Variants in RXRG observed in about 807,000 individuals in gnomAD.
RXRG encodes retinoic acid receptor RXR-gamma.
In RXRG, 19 loss-of-function variants were observed where a neutral mutation model predicts 49.2. The observed-to-expected ratio is 0.39, with a 90% confidence interval of 0.27 to 0.57. The LOEUF (loss-of-function observed/expected upper bound fraction) is 0.57, where lower values mean the gene tolerates loss of function less well. RXRG is among the 20% of genes least tolerant of loss of function. RXRG has a pLI of 0.64. For missense variants in RXRG, 452 were observed against 592.5 expected (o/e 0.76, Z 2.46); for synonymous variants, 224 against 216.6 (o/e 1.03, Z -0.30).
intron 8 of RXRG, 78 bp downstream of exon 8, chr1:165,408,149 C>G: frequency 9.1e-7 from 1 of 1,095,328 alleles, no homozygotes; most frequent in Non-Finnish European, 1.4e-6. Context: ...GATGGAGGAC[C>G]AATAACATGG....
At chr1:165,406,941 C>T (rs753564192) in intron 8 of RXRG, 24 bp from the exon 9 acceptor site, 1 of 1,540,036 alleles carries the variant, frequency 6.5e-7, no homozygotes, top group South Asian at 1.1e-5. Flanking sequence ...CTGAGTTAGC[C>T]TTTGATTACA....
Position 165,406,867 on chromosome 1 carries a change from C to G in RXRG, c.1189G>C (p.Val397Leu). The change falls in exon 9 of 10, where the codon GTT (valine) becomes CTT (leucine). Residue 397 changes from valine (V) to leucine (L), a missense_variant. Coordinates refer to ENST00000359842, the MANE Select transcript of RXRG (RefSeq NM_006917.5). Reference protein sequence around the residue: ...PSEVETLREKVYATLEAYTKQ... With the variant: ...PSEVETLREKLYATLEAYTKQ... ...GTGTAGGCCTCAAGGGTGGCATAAA[C>G]CTTCTCTCGCAGAGTCTCCACCTCA... The G allele has an allele frequency of 1.2e-6, 2 of 1,614,014 alleles. No homozygotes were observed. Among genetic ancestry groups the G allele is most frequent in the Non-Finnish European group, 1.7e-6 (2 of 1,180,000 alleles).
chr1:165,427,003 G>C (rs1658507110), intron 2 of RXRG, among the ~76,000 whole-genome samples: 1 of 152,118 alleles, frequency 6.6e-6, no homozygotes, highest in East Asian at 1.9e-4. Flanking sequence ...GAGCTTTTTT[G>C]TTCTATTCAG....
At chr1:165,442,881 T>C (rs879727358) in intron 1 of RXRG, among the ~76,000 whole-genome samples, 3 of 152,202 alleles carry the variant, frequency 2.0e-5, no homozygotes, top group Non-Finnish European at 4.4e-5. Flanking sequence ...AGGTGAAAAA[T>C]TGGGAACCAA....
At chr1:165,417,513 T>G (rs1378900313) in intron 3 of RXRG, among the ~76,000 whole-genome samples, 1 of 152,178 alleles carries the variant, frequency 6.6e-6, no homozygotes, top group Non-Finnish European at 1.5e-5. Flanking sequence ...AGGCAACTCT[T>G]GGGTTTAGTT....
At position 165,444,868 on chromosome 1, in the gene RXRG, A is replaced by T; in HGVS notation, c.26T>A (p.Met9Lys). MYGNYSHF[M>K]KFPAGYGGSP... ...ACCTCCATAGCCTGCGGGAAACTTC[A>T]TGAAGTGAGAATAATTTCCATACAT... is the stretch of plus-strand genomic sequence containing the variant. The change falls in exon 1 of 10, where the codon ATG (methionine) becomes AAG (lysine). Residue 9 changes from methionine to lysine, a missense_variant. Physicochemically the swap from Met to Lys is moderately conservative, Grantham distance 95. This residue lies in a region of RXRG where 166 missense variants were observed against 151.7 expected (regional missense o/e 1.09). Transcript: ENST00000359842. 6.2e-7 allele frequency: 1 copy of T among 1,614,204 alleles called. No individual in the cohort carries two copies. The highest frequency in any genetic ancestry group is 8.5e-7 in the Non-Finnish European group (1 of 1,180,026).
At chr1:165,418,103 C>T (rs1233569605) in intron 3 of RXRG, among the ~76,000 whole-genome samples, 1 of 99,714 alleles carries the variant, frequency 1.0e-5, no homozygotes, top group African/African-American at 4.2e-5. Context: ...AGAGCGAGAT[C>T]CCGTCTCAAA....
intron 1 of RXRG, among the ~76,000 whole-genome samples, chr1:165,439,658 G>A (rs1443770941): frequency 6.6e-6 from 1 of 152,216 alleles, no homozygotes; most frequent in Non-Finnish European, 1.5e-5. Flanking sequence ...CACTGAGGAA[G>A]CCAGAAAGGG....
At position 165,437,804 on chromosome 1, in the gene RXRG, T is replaced by C. The variant is rs140137344; in HGVS notation, c.49+7041A>G. 1.4e-3 allele frequency among the ~76,000 whole-genome samples: 207 copies of C among 152,332 alleles called. 1 individual carries two copies. The highest frequency in any genetic ancestry group is 4.8e-3 in the African/African-American group (200 of 41,578). On this transcript the variant is annotated intron_variant, in intron 1 of 9. Coordinates refer to ENST00000359842, the MANE Select transcript of RXRG (RefSeq NM_006917.5). The stretch of plus-strand genomic sequence containing the variant: ...AGCCAGCCGGTCCTCGTTAGCAGGA[T>C]CCCCTGGAGCCTCTCATTTGTTAGA...
At chr1:165,426,872 G>A (rs1437145014) in intron 2 of RXRG, among the ~76,000 whole-genome samples, 2 of 152,166 alleles carry the variant, frequency 1.3e-5, no homozygotes, top group Non-Finnish European at 2.9e-5. Context: ...TACTCCAAAG[G>A]CCAGCAGGCT....
At chr1:165,423,577 T>G (rs157874) in intron 2 of RXRG, among the ~76,000 whole-genome samples, 71,571 of 152,002 alleles carry the variant, frequency 0.47, 18,112 homozygotes, top group African/African-American at 0.65. Flanking sequence ...GCTAAGGCCT[T>G]CATCATGAGG....
rs768092969 is a variant in RXRG, at chr1:165,401,424, A to G, written c.1245-14T>C. ...AGCTTGGCAAACCTGCAGGGAAGCC[A>G]AGAGGCATCAGGGACAGGGACGGGC... On this transcript the variant is annotated splice_polypyrimidine_tract_variant and intron_variant, in intron 9 of 9. Transcript: ENST00000359842. The G allele has an allele frequency of 1.2e-6, 2 of 1,613,462 alleles. No homozygotes were observed. Among genetic ancestry groups the G allele is most frequent in the Non-Finnish European group, 1.7e-6 (2 of 1,179,996 alleles).
intron 9 of RXRG, among the ~76,000 whole-genome samples, chr1:165,403,503 C>A (rs1328510084): frequency 6.6e-6 from 1 of 152,134 alleles, no homozygotes; most frequent in African/African-American, 2.4e-5. Flanking sequence ...TAAAGCGGCA[C>A]CATCTAAAAA....
intron 8 of RXRG, 38 bp from the exon 9 acceptor site, chr1:165,406,955 C>T (rs1412007719): frequency 1.4e-6 from 2 of 1,436,740 alleles, no homozygotes; most frequent in Non-Finnish European, 9.8e-7. Context: ...GATTACACAC[C>T]CTCCAGCAGA....
chr1:165,426,282 C>G (rs951921704), intron 2 of RXRG, among the ~76,000 whole-genome samples: 7 of 152,088 alleles, frequency 4.6e-5, no homozygotes, highest in Non-Finnish European at 7.3e-5. Context: ...CAAATTATAC[C>G]CAGTAAAGTA....
intron 3 of RXRG, among the ~76,000 whole-genome samples, chr1:165,417,563 T>G (rs1033628784): frequency 3.3e-5 from 5 of 152,190 alleles, no homozygotes; most frequent in Admixed American, 1.3e-4. Flanking sequence ...TTAGTGTAAA[T>G]AATAAATAAA....
At chr1:165,428,055 T>A (rs1658547363) in intron 2 of RXRG, among the ~76,000 whole-genome samples, 1 of 152,328 alleles carries the variant, frequency 6.6e-6, no homozygotes, top group Admixed American at 6.5e-5. Context: ...ATGGGAAGGA[T>A]GATGAACTTA....
chr1:165,409,435 C>T, intron 7 of RXRG, 123 bp downstream of exon 7: 1 of 1,198,024 alleles, frequency 8.3e-7, no homozygotes, highest in Non-Finnish European at 1.1e-6. Context: ...ATCCTCCATC[C>T]CAGCACTACC....
intron 2 of RXRG, among the ~76,000 whole-genome samples, chr1:165,422,714 G>T (rs3767344): frequency 6.6e-6 from 1 of 152,060 alleles, no homozygotes; most frequent in Non-Finnish European, 1.5e-5. Flanking sequence ...AGCCACTAGA[G>T]GCTTGGAGCA....
Sources: gnomAD v4.1 joint callset for allele counts (sites outside exome capture counted in the v4.1 genomes callset) on GRCh38, gnomAD v4.1.1 for gene constraint, gnomAD v4.1.1 regional missense constraint, MANE v1.5 for transcripts, NCBI Gene and HGNC (gene_info 2026-07-23, HGNC 2026-07-21) for gene names.